The following GPCPD1 variants were observed in gnomAD, a reference collection of about 807,000 sequenced individuals.
GPCPD1 encodes glycerophosphocholine phosphodiesterase 1.
Under a neutral mutation model 89.2 loss-of-function variants are expected in GPCPD1, and 29 were observed. The observed-to-expected ratio is 0.33, with a 90% confidence interval of 0.24 to 0.44. GPCPD1 has a LOEUF of 0.44. GPCPD1 is among the 20% of genes least tolerant of loss of function. GPCPD1 has a pLI of 1.00. For missense variants in GPCPD1, 594 were observed against 808.9 expected (o/e 0.73, Z 3.22); for synonymous variants, 258 against 266.3 (o/e 0.97, Z 0.30).
chr20:5,604,983 G>A (rs1442121009), intron 1 of GPCPD1, among the ~76,000 whole-genome samples: 1 of 151,586 alleles, frequency 6.6e-6, no homozygotes, highest in Non-Finnish European at 1.5e-5. Flanking sequence ...TCTCAATAAA[G>A]TTTTTTTAAA....
chr20:5,572,867 T>TTTTA (rs1309758093), intron 11 of GPCPD1, among the ~76,000 whole-genome samples: 1 of 152,016 alleles, frequency 6.6e-6, no homozygotes, highest in Admixed American at 6.6e-5. Context: ...ACTGATACTT[T>TTTTA]TTTATTTATT....
chr20:5,601,114 T>C (rs375356381), intron 2 of GPCPD1, among the ~76,000 whole-genome samples: 1 of 149,012 alleles, frequency 6.7e-6, no homozygotes, highest in South Asian at 2.2e-4. Context: ...TGGGGGGAGG[T>C]AGAGGTTGCA....
At chr20:5,549,562 G>T in intron 19 of GPCPD1, 1 of 826,460 alleles carries the variant, frequency 1.2e-6, no homozygotes, top group Non-Finnish European at 1.9e-6. Flanking sequence ...CTGAATCAAA[G>T]CCTCTTCAAA....
intron 19 of GPCPD1, among the ~76,000 whole-genome samples, chr20:5,551,383 T>A (rs547034208): frequency 1.3e-5 from 2 of 152,278 alleles, no homozygotes; most frequent in South Asian, 4.1e-4. Flanking sequence ...CCGCATAAAA[T>A]AAGCTGGGTG....
At position 5,591,801 on chromosome 20, in the gene GPCPD1, GT is replaced by G. The variant is rs567624154; in HGVS notation, c.231+1525del. On this transcript the variant is annotated intron_variant, in intron 4 of 19. Transcript: ENST00000379019. ...TGTAGCCATATGCATGGGATTTTAT[GT>G]AGCTATTTACTCGATTCCATGAAAA... Among the ~76,000 whole-genome samples the G allele has an allele frequency of 2.1e-3, 320 of 152,294 alleles. 1 individual carries two copies. Among genetic ancestry groups the G allele is most frequent in the African/African-American group, 7.3e-3 (303 of 41,584 alleles).
At chr20:5,558,143 C>T in intron 18 of GPCPD1, 38 bp from the exon 19 acceptor site, 5 of 1,287,750 alleles carry the variant, frequency 3.9e-6, no homozygotes, top group African/African-American at 1.5e-5. Flanking sequence ...GAAAAAGAAA[C>T]ATTAACTGCA....
intron 4 of GPCPD1, among the ~76,000 whole-genome samples, chr20:5,591,652 T>A (rs889955959): frequency 7.2e-5 from 11 of 152,346 alleles, no homozygotes; most frequent in African/African-American, 2.6e-4. Flanking sequence ...GCACATTACT[T>A]CTATTATTTG....
intron 13 of GPCPD1, among the ~76,000 whole-genome samples, chr20:5,567,115 A>G (rs1293528539): frequency 6.6e-6 from 1 of 152,230 alleles, no homozygotes; most frequent in Non-Finnish European, 1.5e-5. Flanking sequence ...ATTAACATAT[A>G]TTTACCAACT....
intron 7 of GPCPD1, 86 bp downstream of exon 7, chr20:5,579,922 C>T (rs1188188611): frequency 1.0e-5 from 8 of 785,002 alleles, no homozygotes; most frequent in Non-Finnish European, 1.5e-5. Flanking sequence ...CCAAACTGTA[C>T]ACTTAAAGGC....
At chr20:5,549,209 T>A (rs371513411) in intron 19 of GPCPD1, 4 of 695,148 alleles carry the variant, frequency 5.8e-6, no homozygotes, top group African/African-American at 5.3e-5. Context: ...GGGACCTCAA[T>A]CACTTTTGGC....
intron 10 of GPCPD1, 74 bp from the exon 11 acceptor site, chr20:5,574,043 T>C (rs2295371): frequency 0.059 from 50,039 of 853,048 alleles, 2,475 homozygotes; most frequent in African/African-American, 0.21. Flanking sequence ...AAGCAAAGTG[T>C]ACTTTCAACA....
chr20:5,558,018 C>T lies in GPCPD1; in HGVS notation c.1756G>A (p.Gly586Ser), dbSNP rs1483729168. Residue 586 changes from glycine to serine, a missense_variant, in exon 19 of 20, where the codon GGT becomes AGT. Physicochemically the swap from Gly to Ser is moderately conservative, Grantham distance 56. Transcript: ENST00000379019. ...KAKGLVIFCW[G>S]DDTNDPENRR... is the part of the protein sequence containing the mutation. ...TTTTCAGGATCATTGGTATCATCAC[C>T]CCAGCAGAATATGACTAGTCCCTTA... is the stretch of plus-strand genomic sequence containing the variant. 1 of 1,601,030 alleles carries T rather than the reference C, an allele frequency of 6.2e-7. No individual in the cohort carries two copies.
In GPCPD1 at chr20:5,584,342, G is replaced by T; in HGVS notation, c.308-20C>A. On this transcript the variant is annotated intron_variant, in intron 5 of 19. Transcript: ENST00000379019. ...CGCTTTCTAGAATTTAAGGAAAATA[G>T]AAAATTTAGTTAAAACTCTTGATGC... The T allele has an allele frequency of 8.5e-7, 1 of 1,181,452 alleles. No homozygotes were observed. The highest frequency in any genetic ancestry group is 1.3e-5 in the South Asian group (1 of 78,472). 73.2% of individuals were successfully genotyped at this position (1,181,452 alleles called of 1,614,324 possible).
chr20:5,584,364 A>G (rs779262895), intron 5 of GPCPD1, 42 bp from the exon 6 acceptor site: 24 of 816,394 alleles, frequency 2.9e-5, no homozygotes, highest in Non-Finnish European at 4.7e-5. Context: ...AAAACTCTTG[A>G]TGCATACCCA....
chr20:5,561,381 C>T, intron 16 of GPCPD1, 84 bp downstream of exon 16: 1 of 706,468 alleles, frequency 1.4e-6, no homozygotes, highest in Non-Finnish European at 2.5e-6. Flanking sequence ...TTAGCTTATT[C>T]CATTAAAATA....
intron 7 of GPCPD1, among the ~76,000 whole-genome samples, chr20:5,579,078 G>A (rs538175119): frequency 2.0e-4 from 31 of 152,132 alleles, no homozygotes; most frequent in African/African-American, 6.7e-4. Context: ...CCAGCTACTC[G>A]GGAGGCTGAG....
At chr20:5,572,815 AAT>A (rs1491176111) in intron 11 of GPCPD1, among the ~76,000 whole-genome samples, 6,420 of 104,490 alleles carry the variant, frequency 0.061, 173 homozygotes, top group Non-Finnish European at 0.078. Context: ...TAAAAAAAAA[AAT>A]AAGGAGTTAA....
Position 5,547,766 on chromosome 20 carries a change from C to G in GPCPD1, c.1914G>C (p.Lys638Asn), listed in dbSNP as rs1441451459. 3 of 1,611,392 alleles carry G rather than the reference C, an allele frequency of 1.9e-6. No homozygotes were observed. The highest frequency in any genetic ancestry group is 2.5e-6 in the Non-Finnish European group (3 of 1,177,694). The change falls in exon 20 of 20, where the codon AAG becomes AAC. Residue 638 changes from lysine to asparagine, a missense_variant. Lys to Asn is a moderately conservative substitution (Grantham distance 94, BLOSUM62 0). Transcript: ENST00000379019. ...ERLKQELPEL[K>N]SCLCPTVSRF... is the part of the protein sequence containing the mutation. ...GGCTAACAGTGGGACACAAACAGCT[C>G]TTAAGCTCTGGCAATTCCTGCTTCA...
Position 5,561,544 on chromosome 20 carries a change from T to G in GPCPD1, c.1330-14A>C. On this transcript the variant is annotated splice_polypyrimidine_tract_variant and intron_variant, in intron 15 of 19. Transcript: ENST00000379019. The stretch of plus-strand genomic sequence containing the variant: ...AGACTCTAAAACCTACAGTTTTGTT[T>G]GTTGGTAAATTTTGTTTTTGATGAG... 7.1e-6 allele frequency: 11 copies of G among 1,550,252 alleles called. No homozygotes were observed. The highest frequency in any genetic ancestry group is 9.8e-6 in the Non-Finnish European group (11 of 1,127,214).
Sources: allele counts gnomAD v4.1 joint callset (sites outside exome capture counted in the v4.1 genomes callset), GRCh38; gene constraint gnomAD v4.1.1; transcripts MANE v1.5; gene names NCBI Gene and HGNC (gene_info 2026-07-23, HGNC 2026-07-21).